The following ARMC2 variants were observed in gnomAD, a reference collection of about 807,000 sequenced individuals.
ARMC2 encodes the protein armadillo repeat containing 2.
A neutral mutation model predicts 90.3 loss-of-function variants in ARMC2; 67 were observed. The ratio of observed to expected loss-of-function variants is 0.74; its 90% CI spans 0.61 to 0.91. The LOEUF is 0.91. Ranked by LOEUF, ARMC2 falls within the 40% of genes least tolerant of loss-of-function variation. The pLI, the probability that ARMC2 is intolerant of heterozygous loss-of-function variation, is 0.00. For missense variants in ARMC2, 920 were observed against 1,030.9 expected (o/e 0.89, Z 1.47); for synonymous variants, 393 against 393.0 (o/e 1.00, Z 0.00).
At chr6:109,024,910 G>T in the ARMC2 span, among the ~76,000 whole-genome samples, 1 of 152,216 alleles carries the variant, frequency 6.6e-6, no homozygotes, top group Non-Finnish European at 1.5e-5. Context: ...AGACCTGTGT[G>T]TAAGAAATAT....
At chr6:108,933,647 T>A (rs949666909) in intron 11 of ARMC2, among the ~76,000 whole-genome samples, 4 of 152,230 alleles carry the variant, frequency 2.6e-5, no homozygotes, top group African/African-American at 9.6e-5. Context: ...TCTGTTTGGA[T>A]GTCCTTTATT....
chr6:108,998,479 G>A, the ARMC2 span: 1 of 1,610,582 alleles, frequency 6.2e-7, no homozygotes, highest in Non-Finnish European at 8.5e-7. Flanking sequence ...ATTGTGATTA[G>A]TTTTATGACA....
chr6:108,907,457 T>C (rs1167497124), intron 8 of ARMC2, among the ~76,000 whole-genome samples: 1 of 122,718 alleles, frequency 8.1e-6, no homozygotes, highest in Non-Finnish European at 1.6e-5. Context: ...TTTCTTTCTT[T>C]CTTTTTTTTT....
the ARMC2 span, among the ~76,000 whole-genome samples, chr6:108,982,812 CTTTTTT>C: frequency 7.9e-6 from 1 of 127,232 alleles, no homozygotes; most frequent in Non-Finnish European, 1.7e-5. Context: ...TTGGACTTTT[CTTTTTT>C]TTTTTTTTTT....
chr6:108,906,398 T>A (rs897397410), intron 8 of ARMC2, among the ~76,000 whole-genome samples: 3 of 152,184 alleles, frequency 2.0e-5, no homozygotes, highest in African/African-American at 7.2e-5. Flanking sequence ...TTGCCAAATT[T>A]ACTTTAAATA....
chr6:108,917,235 C>T (rs1774057796), intron 10 of ARMC2, among the ~76,000 whole-genome samples: 1 of 152,092 alleles, frequency 6.6e-6, no homozygotes, highest in Admixed American at 6.5e-5. Flanking sequence ...GTTTTCTTTT[C>T]CTCTCCACAG....
chr6:108,869,166 G>A (rs1406630687), intron 4 of ARMC2, among the ~76,000 whole-genome samples, 171 bp downstream of exon 4: 1 of 152,122 alleles, frequency 6.6e-6, no homozygotes, highest in African/African-American at 2.4e-5. Flanking sequence ...ATATTTTTCT[G>A]GGTGCTTATA....
chr6:108,995,579 G>A, the ARMC2 span, among the ~76,000 whole-genome samples: 1 of 152,160 alleles, frequency 6.6e-6, no homozygotes, highest in Non-Finnish European at 1.5e-5. Flanking sequence ...ACAAAAGCTA[G>A]ATCAAATCTA....
chr6:108,883,115 A>C (rs1777755635), intron 5 of ARMC2, among the ~76,000 whole-genome samples: 1 of 152,242 alleles, frequency 6.6e-6, no homozygotes, highest in Non-Finnish European at 1.5e-5. Flanking sequence ...CTGAATGAAC[A>C]AGTCACATAA....
chr6:108,962,138 AAC>A lies in ARMC2; in HGVS notation c.2152+14_2152+15del. ...TTGTGCAGAACAATGGTGAGTTAAT[AAC>A]ACTAGAATTCATAAACATTCACTTT... On this transcript the variant is annotated intron_variant, in intron 15 of 17. Coordinates refer to ENST00000392644, the MANE Select transcript of ARMC2 (RefSeq NM_032131.6). 6.4e-7 allele frequency: 1 copy of A among 1,574,224 alleles called. No individual in the cohort carries two copies. The highest frequency in any genetic ancestry group is 8.7e-7 in the Non-Finnish European group (1 of 1,148,990).
At chr6:108,881,182 CTTTCTTTCTTTCTTTG>C (rs1245720314) in intron 5 of ARMC2, among the ~76,000 whole-genome samples, 8 of 148,128 alleles carry the variant, frequency 5.4e-5, no homozygotes. Context: ...TTTTTTTTTT[CTTTCTTTCTTTCTTTG>C]TTTCTTTCTT....
In ARMC2 at chr6:108,860,834, A is replaced by G. The variant is rs1479247437; in HGVS notation, c.291+2563A>G. Among the ~76,000 whole-genome samples the G allele has an allele frequency of 5.3e-5, 8 of 152,208 alleles. No homozygotes were observed. The East Asian group carries it at 9.7e-4, about 18-fold the overall frequency. The stretch of plus-strand genomic sequence containing the variant: ...TATGGGCTAGTTATATTCTCTGTAA[A>G]GAAGTATCTTCCACGCTGTTTCCTG... On this transcript the variant is annotated intron_variant, in intron 3 of 17. Transcript: ENST00000392644.
rs200237035 is a variant in ARMC2, at chr6:108,943,907, A to AT, written c.1596+6915dup. Among the ~76,000 whole-genome samples the AT allele has an allele frequency of 6.2e-4, 95 of 152,232 alleles. 1 individual carries two copies. The East Asian group carries it at 0.016, about 26-fold the overall frequency. Reference sequence around the variant, plus strand: ...ACTTAAAATTTGAGTTTAATTAAAAATTTTTTTAAATTAAAAATAGAAATA... The same window carrying AT: ...ACTTAAAATTTGAGTTTAATTAAAAATTTTTTTTAAATTAAAAATAGAAATA... On this transcript the variant is annotated intron_variant, in intron 12 of 17. Coordinates refer to ENST00000392644, the MANE Select transcript of ARMC2 (RefSeq NM_032131.6).
At chr6:108,977,197 G>A (rs1453838343), downstream of ARMC2, among the ~76,000 whole-genome samples, 1 of 145,726 alleles carries the variant, frequency 6.9e-6, no homozygotes, top group Non-Finnish European at 1.5e-5. Flanking sequence ...TTTATTGAGG[G>A]TTTTTAGCAT....
intron 10 of ARMC2, among the ~76,000 whole-genome samples, chr6:108,917,045 T>C (rs1774036355): frequency 1.3e-5 from 2 of 152,210 alleles, no homozygotes; most frequent in African/African-American, 4.8e-5. Context: ...CTATTAAAGC[T>C]CAGATTGACT....
At chr6:108,946,066 C>G (rs1776782966) in intron 12 of ARMC2, among the ~76,000 whole-genome samples, 1 of 152,244 alleles carries the variant, frequency 6.6e-6, no homozygotes, top group South Asian at 2.1e-4. Flanking sequence ...GGTCTGCGCC[C>G]CTGACCGGGC....
chr6:108,858,141 C>G, intron 2 of ARMC2, 58 bp from the exon 3 acceptor site: 1 of 1,387,192 alleles, frequency 7.2e-7, no homozygotes, highest in Non-Finnish European at 1.0e-6. Context: ...CTAATATATA[C>G]TATAAATAAA....
intron 4 of ARMC2, among the ~76,000 whole-genome samples, chr6:108,874,949 T>C (rs1776793391): frequency 6.6e-6 from 1 of 152,196 alleles, no homozygotes; most frequent in Admixed American, 6.5e-5. Context: ...TTGTTATTAT[T>C]AGTTTTTATT....
intron 3 of ARMC2, among the ~76,000 whole-genome samples, chr6:108,865,474 A>G (rs963484246): frequency 6.6e-6 from 1 of 152,244 alleles, no homozygotes; most frequent in African/African-American, 2.4e-5. Flanking sequence ...AAGAATTAAA[A>G]ATGCTTTACA....
Sources: allele counts gnomAD v4.1 joint callset (sites outside exome capture counted in the v4.1 genomes callset), GRCh38; gene constraint gnomAD v4.1.1; transcripts MANE v1.5; gene names NCBI Gene and HGNC (gene_info 2026-07-23, HGNC 2026-07-21).